Variants in LRRC75A observed in about 807,000 individuals in gnomAD.
The protein encoded by LRRC75A is leucine-rich repeat-containing protein 75A.
A neutral mutation model predicts 26.0 loss-of-function variants in LRRC75A; 12 were observed. The observed-to-expected ratio is 0.46, with a 90% confidence interval of 0.30 to 0.75. The LOEUF (loss-of-function observed/expected upper bound fraction) is 0.75. LRRC75A is among the 30% of genes least tolerant of loss of function. LRRC75A has a pLI of 0.08. For missense variants in LRRC75A, 410 were observed against 486.6 expected, an observed-to-expected ratio of 0.84 and a Z score of 1.48; for synonymous variants, 223 against 219.3, an observed-to-expected ratio of 1.02 and a Z score of -0.15.
rs1415406355 is a variant in LRRC75A at position 16,492,187 on chromosome 17, C to G, written c.-197G>C. The G allele has an allele frequency of 3.7e-6, 1 of 269,102 alleles. No individual in the cohort carries two copies. Among genetic ancestry groups the G allele is most frequent in the African/African-American group, 2.3e-5 (1 of 42,884 alleles). The allele number at this position is 269,102 out of a possible 1,614,324, so 16.7% of individuals were successfully genotyped here. ...CGCTCCTCCCTCTTGGCTACCCGGG[C>G]GCGCTCCCCGGGCGCTCGCCGCCGG... On this transcript the variant is annotated 5_prime_UTR_variant, in exon 1 of 4. Transcript: ENST00000470794.
rs1299250220 is a variant in LRRC75A at position 16,462,484 on chromosome 17, C to G, written c.247-98G>C. 6.6e-7 allele frequency: 1 copy of G among 1,514,462 alleles called. No homozygotes were observed. The highest frequency in any genetic ancestry group is 8.9e-7 in the Non-Finnish European group (1 of 1,122,472). 93.8% of individuals were successfully genotyped at this position (1,514,462 alleles called of 1,614,324 possible). A position where few individuals can be genotyped will look rare whatever the true frequency, so the allele number is the denominator to read the frequency against. On this transcript the variant is annotated intron_variant, in intron 1 of 3. Coordinates refer to ENST00000470794, the MANE Select transcript of LRRC75A (RefSeq NM_001113567.3). The surrounding 1 kb of genome is among the most constrained non-coding windows in gnomAD (Gnocchi z 4.6). Reference sequence around the variant, plus strand: ...TAGGCACAGACCCCTAGAGGCGACTCTGCCTCCCAGAGCCCCGGTGGGGAG... The same window carrying G: ...TAGGCACAGACCCCTAGAGGCGACTGTGCCTCCCAGAGCCCCGGTGGGGAG...
In LRRC75A at chr17:16,466,242, C is replaced by T. The variant is rs367709928; in HGVS notation, c.247-3856G>A. Among the ~76,000 whole-genome samples, 12 of 152,168 alleles carry T rather than the reference C, an allele frequency of 7.9e-5. No homozygotes were observed. The East Asian group carries it at 2.3e-3, about 29-fold the overall frequency. On this transcript the variant is annotated intron_variant, in intron 1 of 3. Transcript: ENST00000470794. ...GGGCTGGGTGTGAGGGAGGAGAGGT[C>T]ACCAGATCCTCAGGTGTCTCAGGAG... is the stretch of plus-strand genomic sequence containing the variant.
At chr17:16,469,953 C>G (rs1301323901) in intron 1 of LRRC75A, among the ~76,000 whole-genome samples, 1 of 152,114 alleles carries the variant, frequency 6.6e-6, no homozygotes, top group Non-Finnish European at 1.5e-5. Flanking sequence ...TGGCACAGTC[C>G]ACAGACTAAG....
chr17:16,455,009 T>C (rs2093665565), intron 2 of LRRC75A, among the ~76,000 whole-genome samples: 1 of 151,968 alleles, frequency 6.6e-6, no homozygotes, highest in African/African-American at 2.4e-5. Context: ...CTCAGCTCAT[T>C]GCAACCTCCG....
At chr17:16,449,963 A>G (rs896831044) in intron 2 of LRRC75A, among the ~76,000 whole-genome samples, 1 of 152,136 alleles carries the variant, frequency 6.6e-6, no homozygotes, top group Non-Finnish European at 1.5e-5. Flanking sequence ...TCAGATGGAG[A>G]AAGAAAACGT....
In LRRC75A at chr17:16,462,143, G is replaced by T. The variant is rs1448025217; in HGVS notation, c.375+115C>A. 1.5e-6 allele frequency: 2 copies of T among 1,349,916 alleles called. No homozygotes were observed. Among genetic ancestry groups the T allele is most frequent in the African/African-American group, 2.9e-5 (2 of 69,216 alleles). 83.6% of individuals were successfully genotyped at this position (1,349,916 alleles called of 1,614,324 possible). On this transcript the variant is annotated intron_variant, in intron 2 of 3. Transcript: ENST00000470794. This position sits in a 1 kb window ranked among gnomAD's most constrained non-coding sequence, Gnocchi z 4.6. The stretch of plus-strand genomic sequence containing the variant: ...CAAGCTCTTGGTGCCTGGAGGACGG[G>T]CTTGTCCTCCTTGGGCCTGTCTGCC...
At chr17:16,467,391 A>C (rs1415604357) in intron 1 of LRRC75A, among the ~76,000 whole-genome samples, 1 of 152,174 alleles carries the variant, frequency 6.6e-6, no homozygotes, top group Non-Finnish European at 1.5e-5. Context: ...ACGTGTGTGC[A>C]AGGTAATGGC....
chr17:16,480,405 G>A (rs529612969), intron 1 of LRRC75A, among the ~76,000 whole-genome samples: 28 of 152,158 alleles, frequency 1.8e-4, no homozygotes, highest in African/African-American at 5.1e-4. Flanking sequence ...CGAGGTGGGC[G>A]GAATGCCTGA....
rs79349183 is a variant in LRRC75A, at chr17:16,448,931, G to A, written c.376-971C>T. ...GTTATGGCAGACACTGGGTTAAATG[G>A]TGCAGCTGAAAGATGCTACAGACTC... is the stretch of plus-strand genomic sequence containing the variant. On this transcript the variant is annotated intron_variant, in intron 2 of 3. Coordinates refer to ENST00000470794, the MANE Select transcript of LRRC75A (RefSeq NM_001113567.3). 6.7e-3 allele frequency among the ~76,000 whole-genome samples: 1,024 copies of A among 152,294 alleles called. 9 individuals are homozygous for A. The highest frequency in any genetic ancestry group is 0.023 in the African/African-American group (965 of 41,560).
chr17:16,445,132 A>T, intron 3 of LRRC75A, among the ~76,000 whole-genome samples: 1 of 139,392 alleles, frequency 7.2e-6, no homozygotes, highest in Admixed American at 7.4e-5. Context: ...TACAGGCATG[A>T]GCCAACACGC....
chr17:16,444,523 C>T (rs947105263), intron 3 of LRRC75A, among the ~76,000 whole-genome samples: 2 of 152,188 alleles, frequency 1.3e-5, no homozygotes, highest in Admixed American at 6.5e-5. Context: ...TTCTACCACC[C>T]TGGGGTGGCA....
rs1015860346 is a variant in LRRC75A, at chr17:16,477,462, A to T, written c.246+14283T>A. ...CCAGCTCCAATCCAGCTAGCTTTCAACTTCAGGCAGGAAGGGGAGACCAGG... is the reference window on the plus strand; with the variant it reads ...CCAGCTCCAATCCAGCTAGCTTTCATCTTCAGGCAGGAAGGGGAGACCAGG... On this transcript the variant is annotated intron_variant, in intron 1 of 3. Coordinates refer to ENST00000470794, the MANE Select transcript of LRRC75A (RefSeq NM_001113567.3). Among the ~76,000 whole-genome samples, 2 of 152,204 alleles carry T rather than the reference A, an allele frequency of 1.3e-5. 1 individual carries two copies. Among genetic ancestry groups the T allele is most frequent in the South Asian group, 4.1e-4 (2 of 4,832 alleles).
intron 1 of LRRC75A, among the ~76,000 whole-genome samples, chr17:16,476,952 A>T (rs1360215879): frequency 6.6e-6 from 1 of 150,872 alleles, no homozygotes; most frequent in Non-Finnish European, 1.5e-5. Context: ...GTTAGCCAGG[A>T]TGGTCTCAAT....
At chr17:16,486,401 G>C (rs752192199) in intron 1 of LRRC75A, among the ~76,000 whole-genome samples, 58 of 152,024 alleles carry the variant, frequency 3.8e-4, no homozygotes, top group Admixed American at 2.2e-3. Flanking sequence ...CACTACAGAG[G>C]CTGCTATTTC....
At chr17:16,461,588 C>A (rs567201533) in intron 2 of LRRC75A, among the ~76,000 whole-genome samples, 1 of 152,190 alleles carries the variant, frequency 6.6e-6, no homozygotes, top group African/African-American at 2.4e-5. Flanking sequence ...CTTTCCCTTC[C>A]GAGCTCCCAG....
rs2093548860 is a variant in LRRC75A, at chr17:16,443,212, C to T, written c.*376G>A. 9.0e-6 allele frequency: 2 copies of T among 222,324 alleles called. No homozygotes were observed. The highest frequency in any genetic ancestry group is 2.3e-5 in the African/African-American group (1 of 44,012). 13.8% of individuals were successfully genotyped at this position (222,324 alleles called of 1,614,324 possible). A position where few individuals can be genotyped will look rare whatever the true frequency, so the allele number is the denominator to read the frequency against. On this transcript the variant is annotated 3_prime_UTR_variant, in exon 4 of 4. Transcript: ENST00000470794. Reference sequence around the variant, plus strand: ...AATGTAATGCAGTACATGTAGGGGCCCTACTGTATTCTTTTTCTGGGGGAA... The same window carrying T: ...AATGTAATGCAGTACATGTAGGGGCTCTACTGTATTCTTTTTCTGGGGGAA...
intron 2 of LRRC75A, among the ~76,000 whole-genome samples, chr17:16,451,416 T>A (rs1263627889): frequency 1.3e-5 from 2 of 151,706 alleles, no homozygotes; most frequent in Non-Finnish European, 2.9e-5. Flanking sequence ...AGGTCAGGAG[T>A]TCGAGATCAG....
chr17:16,483,004 C>T (rs759625110), intron 1 of LRRC75A, among the ~76,000 whole-genome samples: 5 of 152,150 alleles, frequency 3.3e-5, no homozygotes, highest in Admixed American at 6.5e-5. Flanking sequence ...TCCATCCAGA[C>T]GAGCATGGAG....
rs777658490 is a variant in LRRC75A at position 16,444,024 on chromosome 17, C to G, written c.599G>C (p.Cys200Ser). The G allele has an allele frequency of 1.9e-6, 3 of 1,613,894 alleles. No individual in the cohort carries two copies. In the South Asian group the frequency reaches 3.3e-5, roughly 18 times the overall value. The change falls in exon 4 of 4, where the codon TGT becomes TCT. Residue 200 changes from cysteine to serine, a missense_variant. Transcript: ENST00000470794. ...LERVTSYLQR[C>S]GEQVDSVELG... ...CTCCACGCTGTCTACCTGCTCCCCA[C>G]AGCGCTGTAGGTAGCTGGTCACCCG...
Sources: allele counts gnomAD v4.1 joint callset (sites outside exome capture counted in the v4.1 genomes callset), GRCh38; gene constraint gnomAD v4.1.1; non-coding constraint Gnocchi (gnomAD v3.1); transcripts MANE v1.5; gene names NCBI Gene and HGNC (gene_info 2026-07-23, HGNC 2026-07-21).